Variants in LRRC43 observed in about 807,000 individuals in gnomAD.
The protein encoded by LRRC43 is leucine-rich repeat-containing protein 43.
LRRC43 carries 62 observed loss-of-function variants against 64.3 expected under a neutral mutation model. The observed-to-expected ratio is 0.96, with a 90% CI of 0.79 to 1.19. The LOEUF is 1.19. Ranked by LOEUF, LRRC43 falls within the 50% of genes most tolerant of loss-of-function variation. The probability of loss-of-function intolerance (pLI) is 0.00; values close to 1 mark genes in which losing one functional copy is unlikely to be tolerated. For synonymous variants in LRRC43, 422 were observed against 382.3 expected, an observed-to-expected ratio of 1.10 and a Z score of -1.21; for missense variants, 868 against 845.0, an observed-to-expected ratio of 1.03 and a Z score of -0.34.
chr12:122,172,784 C>T, intron 1 of LRRC43: 1 of 1,459,516 alleles, frequency 6.9e-7, no homozygotes. Context: ...TTTGCAATGA[C>T]AGCTGCAAGT....
Position 122,203,437 on chromosome 12 carries a change from G to C in LRRC43, c.1966G>C (p.Val656Leu). 1 of 1,610,296 alleles carries C rather than the reference G, an allele frequency of 6.2e-7. No homozygotes were observed. The highest frequency in any genetic ancestry group is 8.5e-7 in the Non-Finnish European group (1 of 1,179,516). The stretch of plus-strand genomic sequence containing the variant: ...GGAGGAGGCTCTGCGCATGTTCGCC[G>C]TGTAGGGCGTGGGCAGTAAAGGCTG... ...SAEEALRMFA[V>L] Residue 656 changes from valine (V) to leucine (L), a missense_variant, in exon 12 of 12, where the codon GTG (valine) becomes CTG (leucine). Physicochemically the swap from Val to Leu is conservative, Grantham distance 32. Transcript: ENST00000339777.
chr12:122,198,623 C>CTTT (rs1012460173), intron 7 of LRRC43, among the ~76,000 whole-genome samples: 1,878 of 100,442 alleles, frequency 0.019, 140 homozygotes, highest in African/African-American at 0.076. Context: ...TGCTTCATTC[C>CTTT]TTTTTTTTTT....
At chr12:122,173,792 T>A (rs745959149) in intron 1 of LRRC43, 45 of 1,543,802 alleles carry the variant, frequency 2.9e-5, no homozygotes, top group Non-Finnish European at 3.8e-5. Context: ...TGGAGGGCAA[T>A]GGAAGGCATT....
At chr12:122,182,945 C>T (rs1953595383), upstream of LRRC43, 1 of 792,224 alleles carries the variant, frequency 1.3e-6, no homozygotes, top group African/African-American at 1.8e-5. Context: ...CGCTTACTGC[C>T]TGCGGGAGCT....
At chr12:122,167,787 G>A (rs1019013466) in intron 1 of LRRC43, 1 of 151,798 alleles carries the variant, frequency 6.6e-6, no homozygotes, top group African/African-American at 2.4e-5. Context: ...CAAGATGTGA[G>A]TGACACTGAG....
chr12:122,202,294 T>C (rs1475452988), intron 11 of LRRC43: 1 of 152,252 alleles, frequency 6.6e-6, no homozygotes, highest in East Asian at 1.9e-4. Context: ...GCTTGCAATA[T>C]GTTGCTGTAA....
chr12:122,183,323 G>A (rs1211303516), intron 1 of LRRC43, 29 bp downstream of exon 1: 2 of 1,427,446 alleles, frequency 1.4e-6, no homozygotes, highest in Non-Finnish European at 1.8e-6. Flanking sequence ...GAACTCTGGG[G>A]GCCTGGACCG....
At chr12:122,176,237 G>C (rs977034383) in intron 1 of LRRC43, among the ~76,000 whole-genome samples, 47 of 152,186 alleles carry the variant, frequency 3.1e-4, no homozygotes, top group African/African-American at 1.1e-3. Context: ...GTTGTGGGAA[G>C]ACCTGGGAGA....
Position 122,192,836 on chromosome 12 carries a change from T to TAG in LRRC43, c.1181_1182insAG (p.Thr395ValfsTer44). 1 of 1,614,084 alleles carries TAG rather than the reference T, an allele frequency of 6.2e-7. No individual in the cohort carries two copies. The highest frequency in any genetic ancestry group is 8.5e-7 in the Non-Finnish European group (1 of 1,180,002). ...GTCATCGAAGACATTGTTGAAGAGG[T>TAG]TACTGAAGAGGTCGAAGGGTCTCTG... On this transcript the variant is annotated frameshift_variant, in exon 7 of 12. Coordinates refer to ENST00000339777, the MANE Select transcript of LRRC43 (RefSeq NM_001098519.2). LOFTEE classifies it high-confidence loss of function.
At chr12:122,177,389 C>A (rs1953545287) in intron 1 of LRRC43, among the ~76,000 whole-genome samples, 1 of 152,068 alleles carries the variant, frequency 6.6e-6, no homozygotes, top group African/African-American at 2.4e-5. Context: ...AGCCAGCCAG[C>A]ACCTTTATTT....
chr12:122,190,396 G>C (rs746572209), intron 5 of LRRC43, 28 bp downstream of exon 5: 3 of 1,577,902 alleles, frequency 1.9e-6, no homozygotes, highest in East Asian at 2.2e-5. Context: ...CAGGGAGGGG[G>C]TGGCATGTGA....
At position 122,203,433 on chromosome 12, in the gene LRRC43, C is replaced by T. The variant is rs1593157781; in HGVS notation, c.1962C>T (p.Phe654=). Residue 654 remains phenylalanine, a synonymous_variant, in exon 12 of 12, where the codon TTC becomes TTT. Coordinates refer to ENST00000339777, the MANE Select transcript of LRRC43 (RefSeq NM_001098519.2). ...CRSAEEALRM[F]AV Reference sequence around the variant, plus strand: ...CGGCGGAGGAGGCTCTGCGCATGTTCGCCGTGTAGGGCGTGGGCAGTAAAG... The same window carrying T: ...CGGCGGAGGAGGCTCTGCGCATGTTTGCCGTGTAGGGCGTGGGCAGTAAAG... 1 of 1,611,166 alleles carries T rather than the reference C, an allele frequency of 6.2e-7. No homozygotes were observed. The highest frequency in any genetic ancestry group is 1.1e-5 in the South Asian group (1 of 90,960).
At chr12:122,201,041 G>T (rs1953833308) in intron 10 of LRRC43, 107 bp downstream of exon 10, 12 of 1,366,194 alleles carry the variant, frequency 8.8e-6, no homozygotes, top group Non-Finnish European at 1.1e-5. Context: ...TGGGGAGGAG[G>T]TGGTGGGGAG....
At chr12:122,168,854 C>T (rs1332277554) in intron 1 of LRRC43, among the ~76,000 whole-genome samples, 1 of 152,160 alleles carries the variant, frequency 6.6e-6, no homozygotes, top group Admixed American at 6.5e-5. Context: ...CCTTAGTCTT[C>T]AATCTGTGAC....
At position 122,192,801 on chromosome 12, in the gene LRRC43, C is replaced by T; in HGVS notation, c.1146C>T (p.Val382=). ...ELLVEESPEE[V]VEDVIEDIVE... Reference sequence around the variant, plus strand: ...TAGTTGAGGAATCTCCTGAAGAGGTCGTGGAAGACGTCATCGAAGACATTG... The same window carrying T: ...TAGTTGAGGAATCTCCTGAAGAGGTTGTGGAAGACGTCATCGAAGACATTG... Residue 382 remains valine (V), a synonymous_variant, in exon 7 of 12, where the codon GTC becomes GTT. Transcript: ENST00000339777. 6.2e-7 allele frequency: 1 copy of T among 1,614,062 alleles called. No individual in the cohort carries two copies. The highest frequency in any genetic ancestry group is 8.5e-7 in the Non-Finnish European group (1 of 1,180,012).
Position 122,200,880 on chromosome 12 carries a change from G to A in LRRC43, c.1755G>A (p.Val585=), listed in dbSNP as rs1593155867. 1 of 1,612,806 alleles carries A rather than the reference G, an allele frequency of 6.2e-7. No individual in the cohort carries two copies. The highest frequency in any genetic ancestry group is 8.5e-7 in the Non-Finnish European group (1 of 1,179,762). Residue 585 remains valine (V), a synonymous_variant, in exon 10 of 12, where the codon GTG becomes GTA. Coordinates refer to ENST00000339777, the MANE Select transcript of LRRC43 (RefSeq NM_001098519.2). The surrounding 1 kb of genome is among the most constrained non-coding windows in gnomAD (Gnocchi z 4.6). ...LLAGEPLVST[V]CNFGVVRTLT... is the part of the protein sequence containing the mutation. ...CCGGGGAGCCCCTGGTGTCCACCGT[G>A]TGCAACTTCGGCGTGGTCCGCACAT...
At chr12:122,177,024 G>A (rs1381610188) in intron 1 of LRRC43, among the ~76,000 whole-genome samples, 1 of 152,030 alleles carries the variant, frequency 6.6e-6, no homozygotes, top group African/African-American at 2.4e-5. Flanking sequence ...CCCCACTAAT[G>A]TAATCAATAT....
Position 122,183,160 on chromosome 12 carries a change from G to A in LRRC43, c.16G>A (p.Glu6Lys). The A allele has an allele frequency of 2.6e-6, 4 of 1,547,058 alleles. No individual in the cohort carries two copies. The highest frequency in any genetic ancestry group is 8.7e-7 in the Non-Finnish European group (1 of 1,153,278). MEASYESESESESEAG... is the reference protein window; with the variant it reads MEASYKSESESESEAG... ...GGCCCGGGCCATGGAGGCGTCGTAC[G>A]AGTCCGAGTCCGAGTCCGAGTCTGA... is the stretch of plus-strand genomic sequence containing the variant. Residue 6 changes from glutamate to lysine, a missense_variant, in exon 1 of 12, where the codon GAG (glutamate) becomes AAG (lysine). By Grantham distance (56) the Glu-to-Lys change is moderately conservative (BLOSUM62 1). Coordinates refer to ENST00000339777, the MANE Select transcript of LRRC43 (RefSeq NM_001098519.2).
chr12:122,194,129 C>T (rs1196621222), intron 7 of LRRC43, among the ~76,000 whole-genome samples: 1 of 151,866 alleles, frequency 6.6e-6, no homozygotes, highest in African/African-American at 2.4e-5. Context: ...AAATATGTTA[C>T]AGACCCAACA....
Sources: gnomAD v4.1 joint callset for allele counts (sites outside exome capture counted in the v4.1 genomes callset) on GRCh38, gnomAD v4.1.1 for gene constraint, Gnocchi (gnomAD v3.1) non-coding constraint, MANE v1.5 for transcripts, NCBI Gene and HGNC (gene_info 2026-07-23, HGNC 2026-07-21) for gene names.